Variants in PCDHA1 observed in about 807,000 individuals in gnomAD.
The protein encoded by PCDHA1 is protocadherin alpha 1.
In PCDHA1, 42 loss-of-function variants were observed where a neutral mutation model predicts 61.3. That is an observed-to-expected ratio of 0.69 (90% CI 0.54 to 0.89). The LOEUF is 0.89. Among genes scored for constraint, PCDHA1 ranks in the 40% least tolerant of loss-of-function variants. The pLI, the probability that PCDHA1 is intolerant of heterozygous loss-of-function variation, is 0.00. For missense variants in PCDHA1, 1,256 were observed against 1,235.3 expected, an observed-to-expected ratio of 1.02 and a Z score of -0.25; for synonymous variants, 610 against 553.8, an observed-to-expected ratio of 1.10 and a Z score of -1.43.
chr5:140,951,183 G>A (rs1554219780), intron 1 of PCDHA1, among the ~76,000 whole-genome samples: 3 of 151,518 alleles, frequency 2.0e-5, no homozygotes, highest in Admixed American at 6.6e-5. Flanking sequence ...GTCATTGTCC[G>A]CTAATTCCCA....
At chr5:140,826,342 C>CTG (rs1768912564) in intron 1 of PCDHA1, among the ~76,000 whole-genome samples, 1 of 152,070 alleles carries the variant, frequency 6.6e-6, no homozygotes, top group Non-Finnish European at 1.5e-5. Context: ...AAATTGAACC[C>CTG]TTTGTTTGCC....
At chr5:140,944,995 T>A (rs246062) in intron 1 of PCDHA1, among the ~76,000 whole-genome samples, 85,717 of 151,900 alleles carry the variant, frequency 0.56, 24,795 homozygotes, top group African/African-American at 0.69. Flanking sequence ...TCTGTAACGG[T>A]TGTGGGTCAT....
chr5:140,921,098 A>G (rs1007745080), intron 1 of PCDHA1, among the ~76,000 whole-genome samples: 2 of 151,708 alleles, frequency 1.3e-5, no homozygotes, highest in South Asian at 2.1e-4. Context: ...CTCCTGCCTC[A>G]GTCTCCTAAG....
intron 1 of PCDHA1, among the ~76,000 whole-genome samples, chr5:140,912,343 ATTT>A (rs35252606): frequency 2.8e-5 from 4 of 143,838 alleles, no homozygotes; most frequent in African/African-American, 5.1e-5. Context: ...TACACTAAGT[ATTT>A]TTTTTTTTTT....
Position 140,829,875 on chromosome 5 carries a change from G to A in PCDHA1, c.2394+41191G>A, listed in dbSNP as rs2150176769. 2.5e-6 allele frequency: 4 copies of A among 1,613,828 alleles called. No homozygotes were observed. Among genetic ancestry groups the A allele is most frequent in the Admixed American group, 3.3e-5 (2 of 59,996 alleles). On this transcript the variant is annotated intron_variant, in intron 1 of 3. Transcript: ENST00000504120. ...GCAGGCCAAGTGGTGGCGAAGGTGC[G>A]CGCAGTTGACGCCGACTCAGGCTAC...
At chr5:140,882,076 G>T in intron 1 of PCDHA1, 1 of 920,546 alleles carries the variant, frequency 1.1e-6, no homozygotes. Flanking sequence ...TGCGCATGGT[G>T]TCGCTCTTCA....
Position 140,796,819 on chromosome 5 carries a change from C to T in PCDHA1, c.2394+8135C>T, listed in dbSNP as rs782194606. Reference sequence around the variant, plus strand: ...GCTTCAGCTGGGTACTGGCAGCGCTCGCATCCCGTTCCGCGTGGGGCTATA... The same window carrying T: ...GCTTCAGCTGGGTACTGGCAGCGCTTGCATCCCGTTCCGCGTGGGGCTATA... On this transcript the variant is annotated intron_variant, in intron 1 of 3. Transcript: ENST00000504120. 4.3e-6 allele frequency: 7 copies of T among 1,614,114 alleles called. No individual in the cohort carries two copies. In the East Asian group the frequency reaches 8.9e-5, roughly 21 times the overall value.
chr5:140,864,410 A>T (rs1310180872), intron 1 of PCDHA1: 3 of 152,244 alleles, frequency 2.0e-5, no homozygotes, highest in Admixed American at 6.5e-5. Flanking sequence ...AGCAGGGTTG[A>T]GGCAGCTTCG....
intron 1 of PCDHA1, chr5:140,795,490 G>A (rs868933408): frequency 6.2e-7 from 1 of 1,614,158 alleles, no homozygotes; most frequent in South Asian, 1.1e-5. Flanking sequence ...CAGCTCCAGT[G>A]AGTTTTTCTT....
At chr5:140,903,616 T>C (rs1053634742) in intron 1 of PCDHA1, among the ~76,000 whole-genome samples, 72 of 152,338 alleles carry the variant, frequency 4.7e-4, no homozygotes, top group African/African-American at 1.7e-3. Context: ...CACATGAATG[T>C]GCATGCATAT....
intron 1 of PCDHA1, among the ~76,000 whole-genome samples, chr5:140,904,056 G>A (rs1474308111): frequency 6.6e-6 from 1 of 151,944 alleles, no homozygotes; most frequent in Non-Finnish European, 1.5e-5. Context: ...TATTTCAATG[G>A]GTTTTTGGGG....
chr5:140,787,524 GC>G lies in PCDHA1; in HGVS notation c.1237del (p.Leu413TrpfsTer13). On this transcript the variant is annotated frameshift_variant, in exon 1 of 4. Transcript: ENST00000504120. LOFTEE classifies it high-confidence loss of function. ...TTACTACTCGTTGGTGTTGGACAGC[GC>G]CCTGGATCGCGAGAGCCTGTCGGTC... ...KNYYSLVLDSALDRESLSVYE... is the reference protein window; with the variant it reads ...KNYYSLVLDSXLDRESLSVYE... The G allele has an allele frequency of 6.2e-7, 1 of 1,614,204 alleles. No individual in the cohort carries two copies. The highest frequency in any genetic ancestry group is 1.3e-5 in the African/African-American group (1 of 75,066).
chr5:140,866,156 GAA>G (rs1441624325), intron 1 of PCDHA1: 1 of 152,104 alleles, frequency 6.6e-6, no homozygotes, highest in Admixed American at 6.5e-5. Flanking sequence ...ATATAAGTAA[GAA>G]TCGTTTAACA....
At chr5:140,992,023 G>C (rs1415968916) in intron 3 of PCDHA1, among the ~76,000 whole-genome samples, 2 of 148,226 alleles carry the variant, frequency 1.3e-5, no homozygotes, top group African/African-American at 4.9e-5. Flanking sequence ...GGCTCTGTGT[G>C]TGTGTGTGTG....
intron 1 of PCDHA1, chr5:140,830,053 C>G (rs782097929): frequency 6.2e-7 from 1 of 1,613,734 alleles, no homozygotes; most frequent in Admixed American, 1.7e-5. Flanking sequence ...TGAAAGACCA[C>G]GGTGAGCCGG....
At chr5:140,835,905 G>T (rs1270383213) in intron 1 of PCDHA1, 2 of 1,612,070 alleles carry the variant, frequency 1.2e-6, no homozygotes, top group Admixed American at 1.7e-5. Flanking sequence ...GTCGAGCTAC[G>T]TGTCAGTGCA....
At chr5:140,892,469 A>T (rs557049666) in intron 1 of PCDHA1, among the ~76,000 whole-genome samples, 1 of 152,184 alleles carries the variant, frequency 6.6e-6, no homozygotes, top group Admixed American at 6.5e-5. Context: ...ACGGTTATTC[A>T]GTTTCCTAGC....
At chr5:140,830,362 G>T (rs1771019100) in intron 1 of PCDHA1, 1 of 1,614,120 alleles carries the variant, frequency 6.2e-7, no homozygotes, top group Non-Finnish European at 8.5e-7. Flanking sequence ...GGCGGCAGAG[G>T]GTGTGCTCCG....
At chr5:140,826,575 C>T (rs1208730445) in intron 1 of PCDHA1, among the ~76,000 whole-genome samples, 1 of 152,054 alleles carries the variant, frequency 6.6e-6, no homozygotes, top group Admixed American at 6.5e-5. Context: ...GGTTTAATCA[C>T]TTCAAATGGA....
Sources: gnomAD v4.1 joint callset for allele counts (sites outside exome capture counted in the v4.1 genomes callset) on GRCh38, gnomAD v4.1.1 for gene constraint, MANE v1.5 for transcripts, NCBI Gene and HGNC (gene_info 2026-07-23, HGNC 2026-07-21) for gene names.